The following DERL3 variants were observed in gnomAD, a reference collection of about 807,000 sequenced individuals.
DERL3 encodes derlin 3.
DERL3 carries 20 observed loss-of-function variants against 23.8 expected under a neutral mutation model. The observed-to-expected ratio is 0.84, with a 90% CI of 0.59 to 1.22. DERL3 has a LOEUF of 1.22. DERL3 is among the 50% of genes most tolerant of loss of function. The pLI, the probability that DERL3 is intolerant of heterozygous loss-of-function variation, is 0.00. For missense variants in DERL3, 319 were observed against 304.1 expected (o/e 1.05, Z -0.36); for synonymous variants, 145 against 132.5 (o/e 1.09, Z -0.65).
Position 23,838,599 on chromosome 22 carries a change from G to C in DERL3, c.198C>G (p.Pro66=), listed in dbSNP as rs1370318887. Residue 66 remains proline (P), a synonymous_variant, in exon 3 of 7, where the codon CCC becomes CCG. Coordinates refer to ENST00000318109, the MANE Select transcript of DERL3 (RefSeq NM_001002862.3). ...TGTTGAAGAAGAAGCTGAATCCCAGGGGCCCGAAGAAGAGGAAGTTGGTGA... is the reference window on the plus strand; with the variant it reads ...TGTTGAAGAAGAAGCTGAATCCCAGCGGCCCGAAGAAGAGGAAGTTGGTGA... ...RLVTNFLFFG[P]LGFSFFFNML... The C allele has an allele frequency of 4.4e-6, 7 of 1,590,892 alleles. No individual in the cohort carries two copies. The African/African-American group carries it at 8.1e-5, about 18-fold the overall frequency.
Position 23,837,837 on chromosome 22 carries a change from G to A in DERL3, c.345C>T (p.Gly115=). 1 of 1,612,438 alleles carries A rather than the reference G, an allele frequency of 6.2e-7. No individual in the cohort carries two copies. The highest frequency in any genetic ancestry group is 8.5e-7 in the Non-Finnish European group (1 of 1,179,078). The change falls in exon 5 of 7, where the codon GGC becomes GGT. Residue 115 remains glycine, a synonymous_variant. Coordinates refer to ENST00000318109, the MANE Select transcript of DERL3 (RefSeq NM_001002862.3). ...GGGCCTGGCCCAGGAAGAACAGGCTGCCCAGGAGTCCCAGCAGCTGGGCCA... is the reference window on the plus strand; with the variant it reads ...GGGCCTGGCCCAGGAAGAACAGGCTACCCAGGAGTCCCAGCAGCTGGGCCA... ...GVLMTLLGLL[G]SLFFLGQALM...
chr22:23,838,160 T>C (rs1412687645), intron 4 of DERL3, 192 bp downstream of exon 4: 2 of 1,539,506 alleles, frequency 1.3e-6, no homozygotes, highest in Admixed American at 3.9e-5. Context: ...TGCATGGCTT[T>C]GTATTTTGCA....
At chr22:23,838,518 G>C (rs772197053) in intron 3 of DERL3, 46 bp downstream of exon 3, 6 of 1,572,508 alleles carry the variant, frequency 3.8e-6, no homozygotes, top group Non-Finnish European at 4.3e-6. Context: ...TCCCAGCCCG[G>C]CCGGCCTGCC....
Position 23,835,524 on chromosome 22 carries a change from C to T in DERL3, c.*1345G>A, listed in dbSNP as rs2030976224. 1.0e-6 allele frequency: 1 copy of T among 985,542 alleles called. No homozygotes were observed. The highest frequency in any genetic ancestry group is 1.2e-6 in the Non-Finnish European group (1 of 829,986). The allele number at this position is 985,542 out of a possible 1,614,324, so 61.0% of individuals were successfully genotyped here. A position where few individuals can be genotyped will look rare whatever the true frequency, so the allele number is the denominator to read the frequency against. On this transcript the variant is annotated 3_prime_UTR_variant, in exon 7 of 7. Transcript: ENST00000318109. Reference sequence around the variant, plus strand: ...GATGTGAGAGGAGGGCTCCTTTGAGCACATGTTAGCATGGGACTCTTCCCA... The same window carrying T: ...GATGTGAGAGGAGGGCTCCTTTGAGTACATGTTAGCATGGGACTCTTCCCA...
Position 23,836,779 on chromosome 22 carries a change from C to T in DERL3, c.*90G>A. ...CAGGTGGGCCCTTGCATGGGCCCAG[C>T]CTTTAGGATGGGTTTTTTCTGCCCC... On this transcript the variant is annotated 3_prime_UTR_variant, in exon 7 of 7. Coordinates refer to ENST00000318109, the MANE Select transcript of DERL3 (RefSeq NM_001002862.3). 1.4e-6 allele frequency: 2 copies of T among 1,408,798 alleles called. No individual in the cohort carries two copies. The highest frequency in any genetic ancestry group is 1.8e-6 in the Non-Finnish European group (2 of 1,082,306). The allele number at this position is 1,408,798 out of a possible 1,614,324, so 87.3% of individuals were successfully genotyped here.
At position 23,838,975 on chromosome 22, in the gene DERL3, C is replaced by T. The variant is rs189524525; in HGVS notation, c.13G>A (p.Gly5Arg). The T allele has an allele frequency of 2.2e-4, 348 of 1,575,248 alleles. No individual in the cohort carries two copies. In the East Asian group the frequency reaches 7.2e-3, roughly 33 times the overall value. Residue 5 changes from glycine (G) to arginine (R), a missense_variant, in exon 1 of 7, where the codon GGA becomes AGA. Coordinates refer to ENST00000318109, the MANE Select transcript of DERL3 (RefSeq NM_001002862.3). ...ACCTGCAGGAACTCGGCCGCTAGTCCCTGCCACGCCATTGAACCTTCTCAA... is the reference window on the plus strand; with the variant it reads ...ACCTGCAGGAACTCGGCCGCTAGTCTCTGCCACGCCATTGAACCTTCTCAA... Reference protein sequence around the residue: MAWQGLAAEFLQVPA... With the variant: MAWQRLAAEFLQVPA...
Position 23,837,086 on chromosome 22 carries a change from G to A in DERL3, c.592C>T (p.Leu198Phe), listed in dbSNP as rs1312308563. The stretch of plus-strand genomic sequence containing the variant: ...CACAGGAAGCCAGGGGTCTGCAGGA[G>A]CCTCTTGCCTCCAGGCTGGTTGGGG... ...VFPNQPGGKR[L>F]LQTPGFLKLL... is the part of the protein sequence containing the mutation. Residue 198 changes from leucine (L) to phenylalanine (F), a missense_variant, in exon 6 of 7, where the codon CTC (leucine) becomes TTC (phenylalanine). By Grantham distance (22) the Leu-to-Phe change is conservative. Coordinates refer to ENST00000318109, the MANE Select transcript of DERL3 (RefSeq NM_001002862.3). 2 of 1,613,990 alleles carry A rather than the reference G, an allele frequency of 1.2e-6. No homozygotes were observed. Among genetic ancestry groups the A allele is most frequent in the Non-Finnish European group, 1.7e-6 (2 of 1,179,912 alleles).
At chr22:23,838,000 C>T (rs1027278384) in intron 4 of DERL3, 146 bp from the exon 5 acceptor site, 1 of 1,246,096 alleles carries the variant, frequency 8.0e-7, no homozygotes, top group Non-Finnish European at 1.1e-6. Context: ...AGGCGACACA[C>T]TCCACGGGCT....
In DERL3 at chr22:23,835,820, C is replaced by T. The variant is rs2031001726; in HGVS notation, c.*1049G>A. 4.1e-6 allele frequency: 4 copies of T among 985,330 alleles called. No homozygotes were observed. The highest frequency in any genetic ancestry group is 4.8e-6 in the Non-Finnish European group (4 of 829,962). The allele number at this position is 985,330 out of a possible 1,614,324, so 61.0% of individuals were successfully genotyped here. ...ACCTTGGCTGCCTCACCCCACAGGT[C>T]GGGCAGGGCCACCTGGCTGGGAGGT... On this transcript the variant is annotated 3_prime_UTR_variant, in exon 7 of 7. Coordinates refer to ENST00000318109, the MANE Select transcript of DERL3 (RefSeq NM_001002862.3).
chr22:23,838,117 C>G (rs1230780519), intron 4 of DERL3: 7 of 1,518,170 alleles, frequency 4.6e-6, no homozygotes, highest in Non-Finnish European at 6.2e-6. Context: ...CAGGGCTCAG[C>G]TAGTGGCCCT....
chr22:23,835,907 CA>C lies in DERL3; in HGVS notation c.*961del. On this transcript the variant is annotated 3_prime_UTR_variant, in exon 7 of 7. Transcript: ENST00000318109. ...TCACACCGCCGCAAAGCCATCTCCA[CA>C]AGGTCTGGCTACAACACGGAGGGCA... 4.1e-6 allele frequency: 4 copies of C among 985,500 alleles called. No individual in the cohort carries two copies. Among genetic ancestry groups the C allele is most frequent in the Non-Finnish European group, 4.8e-6 (4 of 829,960 alleles). The allele number at this position is 985,500 out of a possible 1,614,324, so 61.0% of individuals were successfully genotyped here.
chr22:23,837,486 CG>C (rs759926247), intron 5 of DERL3, 172 bp downstream of exon 5: 1 of 714,688 alleles, frequency 1.4e-6, no homozygotes. Flanking sequence ...TTATGTGGGC[CG>C]GCTGGCTTGA....
rs755146987 is a variant in DERL3 at position 23,837,750 on chromosome 22, G to A, written c.432C>T (p.Phe144=). The A allele has an allele frequency of 6.8e-6, 11 of 1,614,042 alleles. No homozygotes were observed. Among genetic ancestry groups the A allele is most frequent in the South Asian group, 1.1e-5 (1 of 91,084 alleles). The change falls in exon 5 of 7, where the codon TTC becomes TTT. Residue 144 remains phenylalanine (F), a synonymous_variant. Transcript: ENST00000318109. ...RRSPRVRVNF[F]GLLTFQAPFL... is the part of the protein sequence containing the mutation. ...ACGGTGCCTGGAAAGTGAGCAGGCCGAAGAAGTTGACCCTCACCCGAGGGC... is the reference window on the plus strand; with the variant it reads ...ACGGTGCCTGGAAAGTGAGCAGGCCAAAGAAGTTGACCCTCACCCGAGGGC...
At chr22:23,837,365 G>A in intron 5 of DERL3, 1 of 696,264 alleles carries the variant, frequency 1.4e-6, no homozygotes, top group Non-Finnish European at 2.4e-6. Flanking sequence ...GGGAGGGGAG[G>A]GCCTGAGAAT....
rs756474104 is a variant in DERL3, at chr22:23,838,365, C to A, written c.314G>T (p.Gly105Val). ...CGGGAAGGATACGGTCATAAGGACGCCCCCGAAGAGAAACATGAAGACGAA... is the reference window on the plus strand; with the variant it reads ...CGGGAAGGATACGGTCATAAGGACGACCCCGAAGAGAAACATGAAGACGAA... ...ADFVFMFLFG[G>V]VLMTLLGLLG... The change falls in exon 4 of 7, where the codon GGC becomes GTC. Residue 105 changes from glycine to valine, a missense_variant. By Grantham distance (109) the Gly-to-Val change is moderately radical. Transcript: ENST00000318109. The A allele has an allele frequency of 3.7e-6, 6 of 1,602,094 alleles. No homozygotes were observed. Among genetic ancestry groups the A allele is most frequent in the Non-Finnish European group, 5.1e-6 (6 of 1,172,996 alleles).
In DERL3 at chr22:23,838,611, G is replaced by T. The variant is rs892165547; in HGVS notation, c.186C>A (p.Leu62=). ...FQVWRLVTNF[L]FFGPLGFSFF... ...AGCTGAATCCCAGGGGCCCGAAGAA[G>T]AGGAAGTTGGTGACGAGCCTCCAGA... is the stretch of plus-strand genomic sequence containing the variant. The change falls in exon 3 of 7, where the codon CTC becomes CTA. Residue 62 remains leucine, a synonymous_variant. Transcript: ENST00000318109. The T allele has an allele frequency of 6.3e-7, 1 of 1,584,818 alleles. No individual in the cohort carries two copies. Among genetic ancestry groups the T allele is most frequent in the Admixed American group, 1.8e-5 (1 of 56,020 alleles).
chr22:23,838,442 G>T lies in DERL3; in HGVS notation c.237C>A (p.Phe79Leu), dbSNP rs753237051. ...FSFFFNMLFV[F>L]RYCRMLEEGS... ...CCTCTTCCAGCATGCGGCAGTAGCG[G>T]AACCTACGGCGTCGGTATAGGAAGT... is the stretch of plus-strand genomic sequence containing the variant. The change falls in exon 4 of 7, where the codon TTC (phenylalanine) becomes TTA (leucine). Residue 79 changes from phenylalanine to leucine, a missense_variant. By Grantham distance (22) the Phe-to-Leu change is conservative (BLOSUM62 0). Transcript: ENST00000318109. The T allele has an allele frequency of 2.2e-5, 35 of 1,603,024 alleles. No individual in the cohort carries two copies. The highest frequency in any genetic ancestry group is 3.0e-5 in the Non-Finnish European group (35 of 1,174,702).
chr22:23,835,198 C>CA lies in DERL3; in HGVS notation c.*1670dup. The stretch of plus-strand genomic sequence containing the variant: ...CAGGGTCCCTTCCCAGCCCTGCCTC[C>CA]AAGGAGTTCATGTCCCCTCTGTTCT... On this transcript the variant is annotated 3_prime_UTR_variant, in exon 7 of 7. Transcript: ENST00000318109. 7.9e-7 allele frequency: 1 copy of CA among 1,268,964 alleles called. No individual in the cohort carries two copies. Among genetic ancestry groups the CA allele is most frequent in the Non-Finnish European group, 9.9e-7 (1 of 1,008,794 alleles). 78.6% of individuals were successfully genotyped at this position (1,268,964 alleles called of 1,614,324 possible).
In DERL3 at chr22:23,836,526, C is replaced by T; in HGVS notation, c.*343G>A. 1.3e-5 allele frequency: 13 copies of T among 1,038,646 alleles called. No individual in the cohort carries two copies. Among genetic ancestry groups the T allele is most frequent in the Non-Finnish European group, 1.5e-5 (13 of 866,022 alleles). 64.3% of individuals were successfully genotyped at this position (1,038,646 alleles called of 1,614,324 possible). ...TGGGGCCAGGATGAGAACCCTGAGCCTGTCACCTGTGAGCTCAAAAGCTCT... is the reference window on the plus strand; with the variant it reads ...TGGGGCCAGGATGAGAACCCTGAGCTTGTCACCTGTGAGCTCAAAAGCTCT... On this transcript the variant is annotated 3_prime_UTR_variant, in exon 7 of 7. Transcript: ENST00000318109.
Sources: allele counts gnomAD v4.1 joint callset, GRCh38; gene constraint gnomAD v4.1.1; transcripts MANE v1.5; gene names NCBI Gene and HGNC (gene_info 2026-07-23, HGNC 2026-07-21).